The following PCDHGA5 variants were observed in gnomAD, a reference collection of about 807,000 sequenced individuals.
The protein encoded by PCDHGA5 is protocadherin gamma-A5.
Under a neutral mutation model 56.7 loss-of-function variants are expected in PCDHGA5, and 36 were observed. The ratio of observed to expected loss-of-function variants is 0.64; its 90% CI spans 0.49 to 0.84. PCDHGA5 has a LOEUF of 0.84. Ranked by LOEUF, PCDHGA5 falls within the 40% of genes least tolerant of loss-of-function variation. PCDHGA5 has a pLI of 0.00. For missense variants in PCDHGA5, 1,305 were observed against 1,201.5 expected (o/e 1.09, Z -1.27); for synonymous variants, 563 against 520.2 (o/e 1.08, Z -1.12).
At position 141,454,796 on chromosome 5, in the gene PCDHGA5, ATTT is replaced by A. The variant is rs61612330; in HGVS notation, c.2422-39984_2422-39982del. On this transcript the variant is annotated intron_variant, in intron 1 of 3. Coordinates refer to ENST00000518069, the MANE Select transcript of PCDHGA5 (RefSeq NM_018918.3). ...AAGGAAATAATCCTCCATGGTTCTA[ATTT>A]TTTTTTTTTTTTTTTTTTTTTTTTT... is the stretch of plus-strand genomic sequence containing the variant. 8.4e-3 allele frequency among the ~76,000 whole-genome samples: 651 copies of A among 77,268 alleles called. 2 individuals are homozygous for A. Among genetic ancestry groups the A allele is most frequent in the African/African-American group, 0.012 (206 of 16,834 alleles). The allele number at this position is 77,268 out of a possible 152,430, so 50.7% of individuals were successfully genotyped here. A position where few individuals can be genotyped will look rare whatever the true frequency, so the allele number is the denominator to read the frequency against.
intron 1 of PCDHGA5, chr5:141,372,544 G>A (rs1768857250): frequency 2.5e-6 from 4 of 1,613,872 alleles, no homozygotes; most frequent in African/African-American, 1.3e-5. Context: ...CGCCTGCGAT[G>A]CTCCTCCAGA....
At chr5:141,416,657 A>C (rs1194195210) in intron 1 of PCDHGA5, 6 of 152,232 alleles carry the variant, frequency 3.9e-5, no homozygotes, top group Non-Finnish European at 7.3e-5. Context: ...TGTAAAAAAG[A>C]AAAGAATATA....
At position 141,489,651 on chromosome 5, in the gene PCDHGA5, G is replaced by A; in HGVS notation, c.2422-5156G>A. 6.2e-7 allele frequency: 1 copy of A among 1,614,186 alleles called. No individual in the cohort carries two copies. Among genetic ancestry groups the A allele is most frequent in the Non-Finnish European group, 8.5e-7 (1 of 1,180,032 alleles). ...ACTCTCCTAGCTTTGCCACCCCTGA[G>A]CGAGAGATGCGCATCTCAGAATCAG... On this transcript the variant is annotated intron_variant, in intron 1 of 3. Coordinates refer to ENST00000518069, the MANE Select transcript of PCDHGA5 (RefSeq NM_018918.3). The surrounding 1 kb of genome is among the most constrained non-coding windows in gnomAD (Gnocchi z 4.5).
In PCDHGA5 at chr5:141,374,712, T is replaced by C. The variant is rs745500934; in HGVS notation, c.2421+7961T>C. The stretch of plus-strand genomic sequence containing the variant: ...CGGGAAGGAGAAGCCGTTTACCGCC[T>C]GGTCCTTACTGCCATGGATGGCGGC... On this transcript the variant is annotated intron_variant, in intron 1 of 3. Transcript: ENST00000518069. The C allele has an allele frequency of 6.2e-7, 1 of 1,609,662 alleles. No individual in the cohort carries two copies. The highest frequency in any genetic ancestry group is 8.5e-7 in the Non-Finnish European group (1 of 1,177,766).
chr5:141,370,051 A>G (rs1766638664), intron 1 of PCDHGA5, among the ~76,000 whole-genome samples: 1 of 152,244 alleles, frequency 6.6e-6, no homozygotes, highest in African/African-American at 2.4e-5. Flanking sequence ...ATGTTTTTTA[A>G]AAGTCCTTTT....
Position 141,431,740 on chromosome 5 carries a change from T to C in PCDHGA5, c.2422-63067T>C. 6.2e-7 allele frequency: 1 copy of C among 1,614,230 alleles called. No individual in the cohort carries two copies. Among genetic ancestry groups the C allele is most frequent in the South Asian group, 1.1e-5 (1 of 91,088 alleles). On this transcript the variant is annotated intron_variant, in intron 1 of 3. Transcript: ENST00000518069. This position sits in a 1 kb window ranked among gnomAD's most constrained non-coding sequence, Gnocchi z 4.8. ...TGCAAGCAATGGATAATGCAGGATA[T>C]TCTGCGCGAGCCAAAGTCCTGATCA... is the stretch of plus-strand genomic sequence containing the variant.
chr5:141,394,405 T>C, intron 1 of PCDHGA5: 2 of 1,614,222 alleles, frequency 1.2e-6, no homozygotes, highest in Non-Finnish European at 1.7e-6. Context: ...CTGCAGCTAC[T>C]GGTAACAGCC....
In PCDHGA5 at chr5:141,450,775, C is replaced by T. The variant is rs561501224; in HGVS notation, c.2422-44032C>T. ...GTGCCGGGATTACAGGCATGAGCCA[C>T]CGTGCCCGGACCTCATGATTGTATT... On this transcript the variant is annotated intron_variant, in intron 1 of 3. Coordinates refer to ENST00000518069, the MANE Select transcript of PCDHGA5 (RefSeq NM_018918.3). Among the ~76,000 whole-genome samples the T allele has an allele frequency of 2.3e-3, 352 of 151,748 alleles. 1 individual carries two copies. The highest frequency in any genetic ancestry group is 4.5e-3 in the Non-Finnish European group (306 of 67,958).
chr5:141,416,747 T>A (rs920641906), intron 1 of PCDHGA5: 2 of 152,240 alleles, frequency 1.3e-5, no homozygotes, highest in African/African-American at 4.8e-5. Flanking sequence ...AATAGTGACG[T>A]ATTAGGTAGA....
intron 1 of PCDHGA5, chr5:141,400,138 A>T: frequency 6.2e-7 from 1 of 1,614,046 alleles, no homozygotes; most frequent in Non-Finnish European, 8.5e-7. Flanking sequence ...GCTGCCGGAT[A>T]TCACTGACCG....
At chr5:141,488,359 T>A (rs1262194591) in intron 1 of PCDHGA5, among the ~76,000 whole-genome samples, 1 of 152,198 alleles carries the variant, frequency 6.6e-6, no homozygotes, top group Non-Finnish European at 1.5e-5. Context: ...ACCCTGTGCA[T>A]CTTTAAGTTG....
chr5:141,383,272 G>T (rs369691483), intron 1 of PCDHGA5: 13 of 1,613,802 alleles, frequency 8.1e-6, no homozygotes, highest in African/African-American at 1.3e-5. Flanking sequence ...GGAAATAATA[G>T]ATATTAATGA....
intron 1 of PCDHGA5, among the ~76,000 whole-genome samples, chr5:141,453,643 T>G (rs1267570786): frequency 2.6e-5 from 4 of 152,240 alleles, no homozygotes; most frequent in Non-Finnish European, 5.9e-5. Flanking sequence ...TATATTTTCT[T>G]ATGTCCTCTT....
intron 1 of PCDHGA5, chr5:141,484,931 A>T: frequency 4.0e-6 from 2 of 498,120 alleles, no homozygotes; most frequent in South Asian, 5.3e-5. Context: ...TGCTGTTGGG[A>T]CGTTCTCTGC....
At chr5:141,479,505 G>A (rs2099498324) in intron 1 of PCDHGA5, 1 of 152,262 alleles carries the variant, frequency 6.6e-6, no homozygotes, top group African/African-American at 2.4e-5. Flanking sequence ...CCTAAAGAGG[G>A]GTGAACTGGC....
At chr5:141,404,129 A>C in intron 1 of PCDHGA5, 2 of 1,613,162 alleles carry the variant, frequency 1.2e-6, no homozygotes, top group Non-Finnish European at 1.7e-6. Context: ...TCTATCTTTT[A>C]CATTAGAAAA....
chr5:141,423,760 G>GT, intron 1 of PCDHGA5: 1 of 279,664 alleles, frequency 3.6e-6, no homozygotes, highest in Non-Finnish European at 5.3e-6. Flanking sequence ...TGGGGGGGGG[G>GT]TGGGGCGGCA....
chr5:141,449,588 CAA>C (rs768743917), intron 1 of PCDHGA5, among the ~76,000 whole-genome samples: 5 of 57,502 alleles, frequency 8.7e-5, no homozygotes, highest in Admixed American at 1.8e-4. Flanking sequence ...GACTCTGTCT[CAA>C]AAAAAAAAAA....
At chr5:141,379,494 T>C (rs1469467454) in intron 1 of PCDHGA5, 2 of 152,242 alleles carry the variant, frequency 1.3e-5, no homozygotes, top group Non-Finnish European at 2.9e-5. Context: ...ATACTACCAA[T>C]TTGGGATGTT....
Sources: allele counts gnomAD v4.1 joint callset (sites outside exome capture counted in the v4.1 genomes callset), GRCh38; gene constraint gnomAD v4.1.1; non-coding constraint Gnocchi (gnomAD v3.1); transcripts MANE v1.5; gene names NCBI Gene and HGNC (gene_info 2026-07-23, HGNC 2026-07-21).